SNTG1: variants seen among roughly 807,000 people sequenced by gnomAD.
SNTG1 encodes gamma-1-syntrophin.
SNTG1 carries 39 observed loss-of-function variants against 74.7 expected under a neutral mutation model. The ratio of observed to expected loss-of-function variants is 0.52; its 90% confidence interval spans 0.40 to 0.68. The LOEUF (loss-of-function observed/expected upper bound fraction) is 0.68, where lower values mean the gene tolerates loss of function less well. Ranked by LOEUF, SNTG1 falls within the 30% of genes least tolerant of loss-of-function variation. The pLI is 0.00. For missense variants in SNTG1, 685 were observed against 609.5 expected (o/e 1.12, Z -1.30); for synonymous variants, 254 against 217.1 (o/e 1.17, Z -1.49).
chr8:50,793,075 G>A lies in SNTG1; in HGVS notation c.*246G>A. The A allele has an allele frequency of 2.9e-6, 1 of 339,532 alleles. No individual in the cohort carries two copies. Among genetic ancestry groups the A allele is most frequent in the Non-Finnish European group, 5.3e-6 (1 of 189,648 alleles). The allele number at this position is 339,532 out of a possible 1,614,324, so 21.0% of individuals were successfully genotyped here. ...GTTGCTTTGTACCAGTAAGTGTATT[G>A]CTTTCACCAAAAGTGGAGACAAAAG... On this transcript the variant is annotated 3_prime_UTR_variant, in exon 19 of 19. Transcript: ENST00000642720.
intron 11 of SNTG1, among the ~76,000 whole-genome samples, chr8:50,540,505 G>A (rs1376726925): frequency 2.0e-5 from 3 of 152,036 alleles, no homozygotes; most frequent in East Asian, 3.9e-4. Flanking sequence ...TTTCAATTAG[G>A]TCATATGTGT....
chr8:50,353,843 T>A (rs999756371), intron 2 of SNTG1, among the ~76,000 whole-genome samples: 24 of 152,186 alleles, frequency 1.6e-4, no homozygotes, highest in African/African-American at 5.3e-4. Flanking sequence ...CTGCAGGCCA[T>A]CCAGGAAGGC....
intron 1 of SNTG1, among the ~76,000 whole-genome samples, chr8:49,989,499 C>T (rs1240143023): frequency 6.6e-6 from 1 of 151,840 alleles, no homozygotes; most frequent in African/African-American, 2.4e-5. Context: ...TATACCTTTC[C>T]CTTCTGGTGA....
intron 2 of SNTG1, among the ~76,000 whole-genome samples, chr8:50,257,877 G>A (rs2086963892): frequency 6.6e-6 from 1 of 152,150 alleles, no homozygotes; most frequent in South Asian, 2.1e-4. Context: ...AAATAATAAA[G>A]CAATCAGCTA....
chr8:50,447,328 A>G (rs2093416375), intron 5 of SNTG1, among the ~76,000 whole-genome samples: 1 of 152,248 alleles, frequency 6.6e-6, no homozygotes, highest in African/African-American at 2.4e-5. Context: ...CTGAAGGAAA[A>G]TACTCTGATA....
At chr8:50,450,359 A>C (rs2093444605) in intron 6 of SNTG1, among the ~76,000 whole-genome samples, 197 bp from the exon 7 acceptor site, 1 of 152,214 alleles carries the variant, frequency 6.6e-6, no homozygotes, top group African/African-American at 2.4e-5. Context: ...AAATGGAAAT[A>C]TGTCTGCATG....
At chr8:50,279,411 C>A (rs1281694859) in intron 2 of SNTG1, among the ~76,000 whole-genome samples, 1 of 152,090 alleles carries the variant, frequency 6.6e-6, no homozygotes, top group Non-Finnish European at 1.5e-5. Flanking sequence ...TCTTGATTAA[C>A]TTTACCAGTG....
intron 13 of SNTG1, among the ~76,000 whole-genome samples, chr8:50,623,283 A>G (rs78388194): frequency 0.043 from 6,561 of 152,196 alleles, 247 homozygotes; most frequent in African/African-American, 0.095. Flanking sequence ...TTTCACCACT[A>G]AGTGTGATGG....
At chr8:50,670,291 C>T (rs917771237) in intron 15 of SNTG1, among the ~76,000 whole-genome samples, 1 of 152,118 alleles carries the variant, frequency 6.6e-6, no homozygotes, top group South Asian at 2.1e-4. Flanking sequence ...ATCTAGAAAA[C>T]CCCATTGTCT....
At chr8:50,130,076 T>C (rs188793505) in intron 1 of SNTG1, among the ~76,000 whole-genome samples, 22 of 152,254 alleles carry the variant, frequency 1.4e-4, no homozygotes, top group African/African-American at 5.1e-4. Context: ...GTGGAATGCT[T>C]TGTAAATAGC....
chr8:50,575,294 A>G (rs999550887), intron 12 of SNTG1, among the ~76,000 whole-genome samples: 5 of 152,206 alleles, frequency 3.3e-5, no homozygotes, highest in African/African-American at 1.2e-4. Context: ...TAGTGTTCAC[A>G]TTAACTTTTC....
At chr8:50,686,469 T>A (rs963308398) in intron 15 of SNTG1, among the ~76,000 whole-genome samples, 4 of 152,188 alleles carry the variant, frequency 2.6e-5, no homozygotes, top group Non-Finnish European at 5.9e-5. Context: ...ATATTAGGGA[T>A]TCTTTCCTAA....
At chr8:50,731,914 G>C (rs192324269) in intron 17 of SNTG1, among the ~76,000 whole-genome samples, 494 of 152,100 alleles carry the variant, frequency 3.2e-3, no homozygotes, top group Middle Eastern at 6.8e-3. Flanking sequence ...ATTTCTTTGA[G>C]TTTTACAAGT....
chr8:50,115,641 G>A (rs953097858), intron 1 of SNTG1, among the ~76,000 whole-genome samples: 1 of 150,984 alleles, frequency 6.6e-6, no homozygotes, highest in South Asian at 2.1e-4. Flanking sequence ...TGCAGTTAAG[G>A]AGACAAGTGA....
At chr8:50,140,023 A>C (rs946936261) in intron 1 of SNTG1, among the ~76,000 whole-genome samples, 1 of 152,356 alleles carries the variant, frequency 6.6e-6, no homozygotes, top group East Asian at 1.9e-4. Flanking sequence ...AACAATGCAA[A>C]AATTAAAATA....
intron 8 of SNTG1, among the ~76,000 whole-genome samples, chr8:50,496,068 G>C (rs2093901430): frequency 6.6e-6 from 1 of 152,138 alleles, no homozygotes; most frequent in Non-Finnish European, 1.5e-5. Context: ...ATAGTTTCTA[G>C]ATTAGCCTAG....
At chr8:50,053,651 G>GTGTGTGTGTA (rs1186461462) in intron 1 of SNTG1, among the ~76,000 whole-genome samples, 11 of 150,806 alleles carry the variant, frequency 7.3e-5, no homozygotes, top group Admixed American at 2.0e-4. Flanking sequence ...GTGTGTGTGT[G>GTGTGTGTGTA]TGTGTGTATA....
chr8:50,564,879 G>A (rs901274264), intron 12 of SNTG1, among the ~76,000 whole-genome samples: 16 of 151,974 alleles, frequency 1.1e-4, no homozygotes, highest in African/African-American at 3.9e-4. Flanking sequence ...TCTTAATTTT[G>A]TTTATTAATG....
chr8:50,600,439 G>T (rs532650598), intron 13 of SNTG1, among the ~76,000 whole-genome samples: 4 of 152,032 alleles, frequency 2.6e-5, no homozygotes, highest in African/African-American at 9.6e-5. Flanking sequence ...TTCTTTACTG[G>T]GAGACTCATT....
Sources: allele counts gnomAD v4.1 joint callset (sites outside exome capture counted in the v4.1 genomes callset), GRCh38; gene constraint gnomAD v4.1.1; transcripts MANE v1.5; gene names NCBI Gene and HGNC (gene_info 2026-07-23, HGNC 2026-07-21).